The following CLASP2 variants were observed in gnomAD, a reference collection of about 807,000 sequenced individuals.
CLASP2 encodes CLIP-associating protein 2.
A neutral mutation model predicts 194.4 loss-of-function variants in CLASP2; 47 were observed. The observed-to-expected ratio is 0.24, with a 90% CI of 0.19 to 0.31. CLASP2 has a LOEUF of 0.31. Ranked by LOEUF, CLASP2 falls within the 10% of genes least tolerant of loss-of-function variation. CLASP2 has a pLI of 1.00. For synonymous variants in CLASP2, 619 were observed against 633.5 expected, an observed-to-expected ratio of 0.98 and a Z score of 0.34; for missense variants, 1,445 against 1,823.6, an observed-to-expected ratio of 0.79 and a Z score of 3.78.
intron 8 of CLASP2, among the ~76,000 whole-genome samples, chr3:33,638,702 T>C (rs577299757): frequency 6.6e-6 from 1 of 152,236 alleles, no homozygotes; most frequent in Non-Finnish European, 1.5e-5. Flanking sequence ...ATGTCCTTTA[T>C]AGAAACAATG....
chr3:33,615,489 A>G (rs1446967111), intron 12 of CLASP2, among the ~76,000 whole-genome samples: 1 of 151,780 alleles, frequency 6.6e-6, no homozygotes, highest in African/African-American at 2.4e-5. Flanking sequence ...TACATAAAGT[A>G]CATATATCAA....
chr3:33,691,022 T>C (rs771085726), intron 2 of CLASP2, among the ~76,000 whole-genome samples: 5 of 152,174 alleles, frequency 3.3e-5, no homozygotes, highest in South Asian at 2.1e-4. Flanking sequence ...GGGTTCGTGC[T>C]CCTTTGAGAA....
At chr3:33,562,913 C>T (rs1267268377) in intron 27 of CLASP2, among the ~76,000 whole-genome samples, 1 of 152,174 alleles carries the variant, frequency 6.6e-6, no homozygotes, top group Non-Finnish European at 1.5e-5. Context: ...CACTCTATTA[C>T]CAGATGACCT....
At chr3:33,585,433 T>C (rs569162637) in intron 21 of CLASP2, among the ~76,000 whole-genome samples, 1 of 152,330 alleles carries the variant, frequency 6.6e-6, no homozygotes, top group Non-Finnish European at 1.5e-5. Context: ...ATATGGTATA[T>C]AGCTTATTGC....
intron 32 of CLASP2, among the ~76,000 whole-genome samples, chr3:33,540,003 T>C (rs1416562847): frequency 6.6e-6 from 1 of 151,276 alleles, no homozygotes; most frequent in East Asian, 2.0e-4. Flanking sequence ...CTGCAACCTC[T>C]ACCTCTCAGG....
Position 33,520,698 on chromosome 3 carries a change from C to A in CLASP2, c.3788-3524G>T, listed in dbSNP as rs374399757. 5.3e-5 allele frequency among the ~76,000 whole-genome samples: 8 copies of A among 152,164 alleles called. No individual in the cohort carries two copies. In the South Asian group the frequency reaches 1.7e-3, roughly 32 times the overall value. On this transcript the variant is annotated intron_variant, in intron 34 of 38. Transcript: ENST00000682230. ...GTAAACATATTAAAGATAACGAAAG[C>A]TAGGTTTCTGTCAGAAAAGTGGGTT...
intron 7 of CLASP2, among the ~76,000 whole-genome samples, chr3:33,645,815 T>C (rs1235785406): frequency 2.0e-5 from 3 of 152,128 alleles, no homozygotes; most frequent in African/African-American, 7.2e-5. Context: ...ATTTAAGCCA[T>C]AGAAACCAAA....
At position 33,644,820 on chromosome 3, in the gene CLASP2, T is replaced by G. The variant is rs1431754285; in HGVS notation, c.799A>C (p.Thr267Pro). 1 of 1,613,002 alleles carries G rather than the reference T, an allele frequency of 6.2e-7. No homozygotes were observed. Among genetic ancestry groups the G allele is most frequent in the Non-Finnish European group, 8.5e-7 (1 of 1,179,478 alleles). Residue 267 changes from threonine to proline, a missense_variant, in exon 8 of 39, where the codon ACA becomes CCA. Thr to Pro is a conservative substitution (Grantham distance 38). Transcript: ENST00000682230. ...GCACTGTTGGCAGGATTTCCGGATGTTTTAGGTGCAGGAACCTTGAAGGCT... is the reference window on the plus strand; with the variant it reads ...GCACTGTTGGCAGGATTTCCGGATGGTTTAGGTGCAGGAACCTTGAAGGCT... ...ASAFKVPAPK[T>P]SGNPANSARK...
At chr3:33,657,368 C>G (rs1341324072) in intron 7 of CLASP2, among the ~76,000 whole-genome samples, 2 of 151,934 alleles carry the variant, frequency 1.3e-5, no homozygotes, top group Non-Finnish European at 2.9e-5. Flanking sequence ...AGAGAATTAG[C>G]TGAAATGTTA....
chr3:33,548,763 CTTTTTTTT>C (rs57112524), intron 30 of CLASP2, among the ~76,000 whole-genome samples: 65 of 93,114 alleles, frequency 7.0e-4, no homozygotes, highest in African/African-American at 2.5e-3. Context: ...GGTTTCATTT[CTTTTTTTT>C]TTTTTTTTTT....
At chr3:33,658,279 T>A (rs1276957236) in intron 7 of CLASP2, among the ~76,000 whole-genome samples, 1 of 152,032 alleles carries the variant, frequency 6.6e-6, no homozygotes. Context: ...CTTCACAGAG[T>A]TGTTCACACC....
chr3:33,556,939 T>C (rs1038324237), intron 29 of CLASP2, among the ~76,000 whole-genome samples: 24 of 152,126 alleles, frequency 1.6e-4, no homozygotes, highest in African/African-American at 5.3e-4. Context: ...TCCTGCAACT[T>C]ATTCTCTCTG....
intron 1 of CLASP2, among the ~76,000 whole-genome samples, chr3:33,712,272 A>G (rs2093049724): frequency 6.6e-6 from 1 of 152,200 alleles, no homozygotes; most frequent in Non-Finnish European, 1.5e-5. Flanking sequence ...CAAAGATCGT[A>G]TGTTCTCACT....
At chr3:33,711,595 A>G (rs924940257) in intron 1 of CLASP2, among the ~76,000 whole-genome samples, 3 of 151,902 alleles carry the variant, frequency 2.0e-5, no homozygotes, top group Non-Finnish European at 4.4e-5. Flanking sequence ...ACCATAAAAC[A>G]AGAATGAAGA....
chr3:33,572,504 T>C (rs1186876972), intron 25 of CLASP2, among the ~76,000 whole-genome samples: 2 of 152,124 alleles, frequency 1.3e-5, no homozygotes, highest in African/African-American at 4.8e-5. Context: ...TATCTGAAGC[T>C]AGATTCTCAA....
intron 21 of CLASP2, among the ~76,000 whole-genome samples, chr3:33,586,646 G>A (rs1295785387): frequency 6.6e-6 from 1 of 152,130 alleles, no homozygotes; most frequent in Non-Finnish European, 1.5e-5. Flanking sequence ...AAAAGTACTA[G>A]ATAAGAACTC....
intron 8 of CLASP2, among the ~76,000 whole-genome samples, chr3:33,636,807 G>A (rs936112158): frequency 6.6e-6 from 1 of 152,064 alleles, no homozygotes; most frequent in African/African-American, 2.4e-5. Flanking sequence ...TACCATATTG[G>A]CCAGGCTGGT....
chr3:33,499,060 G>A (rs1236742499), intron 38 of CLASP2, among the ~76,000 whole-genome samples: 2 of 152,092 alleles, frequency 1.3e-5, no homozygotes, highest in Non-Finnish European at 2.9e-5. Flanking sequence ...ATCTTGAATT[G>A]TAATCCCCAT....
At position 33,644,876 on chromosome 3, in the gene CLASP2, A is replaced by G. The variant is rs368155880; in HGVS notation, c.743T>C (p.Val248Ala). Residue 248 changes from valine (V) to alanine (A), a missense_variant, in exon 8 of 39, where the codon GTG becomes GCG. Val to Ala is a moderately conservative substitution (Grantham distance 64). Around this residue, in one of 4 missense-constraint regions of CLASP2, gnomAD observed 332 missense variants for 325.3 expected, o/e 1.02. Transcript: ENST00000682230. ...KDKSFDDEES[V>A]DGNRPSSAAS... ...AGCTGATGATGGCCTATTTCCATCC[A>G]CTGATTCTTCATCATCGAAGCTTTT... 3.7e-6 allele frequency: 6 copies of G among 1,604,928 alleles called. No homozygotes were observed. Among genetic ancestry groups the G allele is most frequent in the Non-Finnish European group, 5.1e-6 (6 of 1,175,180 alleles).
Sources: allele counts gnomAD v4.1 joint callset (sites outside exome capture counted in the v4.1 genomes callset), GRCh38; gene constraint gnomAD v4.1.1; regional missense constraint gnomAD v4.1.1; transcripts MANE v1.5; gene names NCBI Gene and HGNC (gene_info 2026-07-23, HGNC 2026-07-21).